The following ARPP21 variants were observed in gnomAD, a reference collection of about 807,000 sequenced individuals.
ARPP21 encodes cAMP-regulated phosphoprotein 21.
ARPP21 carries 69 observed loss-of-function variants against 113.2 expected under a neutral mutation model. That is an observed-to-expected ratio of 0.61 (90% CI 0.50 to 0.74). The LOEUF (loss-of-function observed/expected upper bound fraction) is 0.74, where lower values mean the gene tolerates loss of function less well. Among genes scored for constraint, ARPP21 ranks in the 30% least tolerant of loss-of-function variants. ARPP21 has a pLI of 0.00. For synonymous variants in ARPP21, 368 were observed against 375.5 expected, an observed-to-expected ratio of 0.98 and a Z score of 0.23; for missense variants, 1,070 against 1,037.4, an observed-to-expected ratio of 1.03 and a Z score of -0.43.
intron 15 of ARPP21, among the ~76,000 whole-genome samples, chr3:35,734,128 G>A (rs932892573): frequency 7.2e-5 from 11 of 152,124 alleles, no homozygotes; most frequent in African/African-American, 2.7e-4. Context: ...TGCACAGCAT[G>A]AGACTTATTT....
chr3:35,722,953 A>G (rs2093232213), intron 14 of ARPP21, among the ~76,000 whole-genome samples: 1 of 152,222 alleles, frequency 6.6e-6, no homozygotes, highest in African/African-American at 2.4e-5. Flanking sequence ...TTGTGATTTT[A>G]GTATGTAATT....
intron 1 of ARPP21, among the ~76,000 whole-genome samples, chr3:35,643,343 T>G (rs1281329927): frequency 6.6e-6 from 1 of 152,052 alleles, no homozygotes; most frequent in Non-Finnish European, 1.5e-5. Flanking sequence ...TGAAAAATAA[T>G]CCCCAGAAAT....
At chr3:35,680,392 T>C (rs951973553) in intron 2 of ARPP21, among the ~76,000 whole-genome samples, 37 of 152,042 alleles carry the variant, frequency 2.4e-4, no homozygotes, top group African/African-American at 8.9e-4. Context: ...ACCATCCTTT[T>C]GGAAAACCTC....
intron 17 of ARPP21, 27 bp from the exon 18 acceptor site, chr3:35,739,290 T>G (rs1334950702): frequency 6.2e-7 from 1 of 1,604,716 alleles, no homozygotes; most frequent in Non-Finnish European, 8.5e-7. Context: ...TCCTGTGAAT[T>G]CCCTCATTTA....
At chr3:35,674,759 G>A (rs1453801939) in intron 1 of ARPP21, among the ~76,000 whole-genome samples, 1 of 151,868 alleles carries the variant, frequency 6.6e-6, no homozygotes, top group Non-Finnish European at 1.5e-5. Context: ...ATGTGTCCAT[G>A]TGATTTGGGG....
At chr3:35,668,020 GAAGAAGAAGAA>G (rs1343305645) in intron 1 of ARPP21, among the ~76,000 whole-genome samples, 88 of 149,224 alleles carry the variant, frequency 5.9e-4, no homozygotes, top group Non-Finnish European at 8.8e-4. Flanking sequence ...AGAAGAAGAA[GAAGAAGAAGAA>G]GGAGAAGAAG....
intron 11 of ARPP21, among the ~76,000 whole-genome samples, chr3:35,710,612 C>G (rs2090830098): frequency 6.6e-6 from 1 of 151,008 alleles, no homozygotes; most frequent in Non-Finnish European, 1.5e-5. Flanking sequence ...CTGGTCCTGG[C>G]AGGTCAAGTA....
chr3:35,743,778 G>C, intron 18 of ARPP21, 61 bp from the exon 19 acceptor site: 1 of 1,570,082 alleles, frequency 6.4e-7, no homozygotes, highest in Non-Finnish European at 8.8e-7. Context: ...CATATTTTAA[G>C]TTTAAAAATT....
intron 9 of ARPP21, 86 bp from the exon 10 acceptor site, chr3:35,706,888 A>G (rs2089308266): frequency 1.0e-6 from 1 of 970,272 alleles, no homozygotes. Context: ...AAGTTAAATG[A>G]CACTGTGGGG....
At chr3:35,679,585 G>A (rs2078358008) in intron 1 of ARPP21, 1 of 151,658 alleles carries the variant, frequency 6.6e-6, no homozygotes, top group Non-Finnish European at 1.5e-5. Context: ...CCTTGCGTGG[G>A]TGCCGTTCTG....
At position 35,685,097 on chromosome 3, in the gene ARPP21, C is replaced by T. The variant is rs554533797; in HGVS notation, c.261+1282C>T. The T allele has an allele frequency of 6.1e-6, 6 of 985,292 alleles. No homozygotes were observed. In the African/African-American group the frequency reaches 1.0e-4, roughly 17 times the overall value. 61.0% of individuals were successfully genotyped at this position (985,292 alleles called of 1,614,324 possible). A position where few individuals can be genotyped will look rare whatever the true frequency, so the allele number is the denominator to read the frequency against. ...TGACAGACCCTGGGAGAAGTAATGC[C>T]CCAGTTGTCCCCCACTCCTAATGCC... On this transcript the variant is annotated intron_variant, in intron 5 of 20. Transcript: ENST00000684406.
At chr3:35,765,580 C>G (rs1289770114) in intron 19 of ARPP21, among the ~76,000 whole-genome samples, 13 of 152,068 alleles carry the variant, frequency 8.5e-5, no homozygotes, top group Non-Finnish European at 5.9e-5. Context: ...AACAAAACTC[C>G]ACCATTCCAA....
At position 35,667,929 on chromosome 3, in the gene ARPP21, G is replaced by GAGA. The variant is rs1427592982; in HGVS notation, c.-212-11856_-212-11855insAAG. ...GAAGAGGAAGGAGGAGGAGGAGGAG[G>GAGA]AGGAGAAGGAGAAGAAGAAAAGAAG... On this transcript the variant is annotated intron_variant, in intron 1 of 20. Coordinates refer to ENST00000684406, the MANE Select transcript of ARPP21 (RefSeq NM_001385562.1). 1.2e-3 allele frequency among the ~76,000 whole-genome samples: 160 copies of GAGA among 128,878 alleles called. 9 individuals carry two copies. The highest frequency in any genetic ancestry group is 5.1e-3 in the African/African-American group (144 of 28,406). 84.5% of individuals were successfully genotyped at this position (128,878 alleles called of 152,430 possible). A position where few individuals can be genotyped will look rare whatever the true frequency, so the allele number is the denominator to read the frequency against.
chr3:35,736,832 G>C (rs1333962452), intron 15 of ARPP21, among the ~76,000 whole-genome samples: 1 of 152,204 alleles, frequency 6.6e-6, no homozygotes, highest in Non-Finnish European at 1.5e-5. Context: ...ACTAATGGCT[G>C]TGAGGTGCAG....
chr3:35,717,849 A>T (rs1404512479), intron 13 of ARPP21, among the ~76,000 whole-genome samples: 1 of 152,134 alleles, frequency 6.6e-6, no homozygotes, highest in Non-Finnish European at 1.5e-5. Context: ...TGAAATACTT[A>T]AATTAAAATC....
chr3:35,760,329 G>A (rs1362101672), intron 19 of ARPP21, among the ~76,000 whole-genome samples: 1 of 152,044 alleles, frequency 6.6e-6, no homozygotes, highest in African/African-American at 2.4e-5. Flanking sequence ...CTTGAAGACT[G>A]GATACTTGAA....
chr3:35,667,948 AAAGAAGAAGAAGAAGAAGAAG>A (rs4025938), intron 1 of ARPP21, among the ~76,000 whole-genome samples: 2,132 of 58,032 alleles, frequency 0.037, 39 homozygotes, highest in South Asian at 0.046. Flanking sequence ...GAGAAGAAGA[AAAGAAGAAGAAGAAGAAGAAG>A]AAGAAGAAGA....
intron 13 of ARPP21, among the ~76,000 whole-genome samples, chr3:35,718,902 A>T (rs1436876653): frequency 1.1e-4 from 16 of 142,044 alleles, no homozygotes; most frequent in African/African-American, 4.2e-4. Context: ...TAGGAGAGTA[A>T]CCTGTGCAAA....
chr3:35,754,297 A>T (rs1364510628), intron 19 of ARPP21, among the ~76,000 whole-genome samples: 1 of 152,006 alleles, frequency 6.6e-6, no homozygotes, highest in African/African-American at 2.4e-5. Flanking sequence ...AATAACACTA[A>T]GAGAAGCAAT....
Sources: gnomAD v4.1 joint callset for allele counts (sites outside exome capture counted in the v4.1 genomes callset) on GRCh38, gnomAD v4.1.1 for gene constraint, MANE v1.5 for transcripts, NCBI Gene and HGNC (gene_info 2026-07-23, HGNC 2026-07-21) for gene names.